Variants in PIK3C2G observed in about 807,000 individuals in gnomAD.
The protein encoded by PIK3C2G is phosphatidylinositol 3-kinase C2 domain-containing subunit gamma.
PIK3C2G carries 168 observed loss-of-function variants against 181.1 expected under a neutral mutation model. The ratio of observed to expected loss-of-function variants is 0.93; its 90% CI spans 0.82 to 1.05. The LOEUF is 1.05. Among genes scored for constraint, PIK3C2G ranks in the 50% least tolerant of loss-of-function variants. PIK3C2G has a pLI of 0.00. For missense variants in PIK3C2G, 1,869 were observed against 1,732.8 expected (o/e 1.08, Z -1.40); for synonymous variants, 573 against 592.2 (o/e 0.97, Z 0.47).
the PIK3C2G span, among the ~76,000 whole-genome samples, chr12:18,662,025 A>G: frequency 6.6e-6 from 1 of 152,272 alleles, no homozygotes; most frequent in East Asian, 1.9e-4. Flanking sequence ...TAACGCAGGA[A>G]CAGAAAACCA....
chr12:18,704,332 T>G, the PIK3C2G span, among the ~76,000 whole-genome samples: 1 of 152,018 alleles, frequency 6.6e-6, no homozygotes, highest in African/African-American at 2.4e-5. Context: ...AATTCCTTTC[T>G]TTTTTTCAAT....
At chr12:18,468,290 T>G (rs902561500) in intron 18 of PIK3C2G, among the ~76,000 whole-genome samples, 3 of 152,066 alleles carry the variant, frequency 2.0e-5, no homozygotes, top group Admixed American at 1.3e-4. Context: ...TCTCCTTGGT[T>G]AAAGAATCCA....
intron 29 of PIK3C2G, among the ~76,000 whole-genome samples, chr12:18,584,143 C>G (rs1003514564): frequency 2.6e-5 from 4 of 151,544 alleles, no homozygotes; most frequent in African/African-American, 7.3e-5. Flanking sequence ...TTCTCCTGCC[C>G]CAGCCTCCTG....
chr12:18,720,886 T>C, the PIK3C2G span, among the ~76,000 whole-genome samples: 1 of 152,078 alleles, frequency 6.6e-6, no homozygotes, highest in Admixed American at 6.6e-5. Context: ...CATAAAAATA[T>C]AGTGATGTAA....
chr12:18,420,780 A>C (rs1375202788), intron 16 of PIK3C2G, among the ~76,000 whole-genome samples, 161 bp from the exon 17 acceptor site: 1 of 152,126 alleles, frequency 6.6e-6, no homozygotes, highest in Non-Finnish European at 1.5e-5. Context: ...AGAATATGAA[A>C]AAATAAGAAT....
intron 6 of PIK3C2G, among the ~76,000 whole-genome samples, chr12:18,317,539 G>A (rs1161769979): frequency 2.0e-5 from 3 of 152,114 alleles, no homozygotes. Context: ...TTGAGAGACA[G>A]ACAATAAACA....
intron 16 of PIK3C2G, among the ~76,000 whole-genome samples, chr12:18,414,224 G>A (rs115001590): frequency 0.02 from 2,976 of 152,140 alleles, 90 homozygotes; most frequent in African/African-American, 0.065. Flanking sequence ...TCATGAGTTC[G>A]TAATTATTCA....
At chr12:18,573,981 G>T (rs915639860) in intron 29 of PIK3C2G, among the ~76,000 whole-genome samples, 2 of 152,202 alleles carry the variant, frequency 1.3e-5, no homozygotes, top group Non-Finnish European at 1.5e-5. Flanking sequence ...ATCAAAAAAG[G>T]CTTTTAAGAT....
chr12:18,327,527 T>C (rs1420058362), intron 8 of PIK3C2G, among the ~76,000 whole-genome samples: 1 of 152,074 alleles, frequency 6.6e-6, no homozygotes, highest in East Asian at 1.9e-4. Context: ...ATATTTTAGA[T>C]GATAACAATT....
At chr12:18,715,664 T>G in the PIK3C2G span, 1 of 152,144 alleles carries the variant, frequency 6.6e-6, no homozygotes, top group Admixed American at 6.6e-5. Context: ...TTTGTTTTTG[T>G]TTTTTTGTTG....
chr12:18,313,680 C>A (rs1008169351), intron 5 of PIK3C2G, among the ~76,000 whole-genome samples: 1 of 151,970 alleles, frequency 6.6e-6, no homozygotes, highest in African/African-American at 2.4e-5. Context: ...GGTGTCTAAT[C>A]ATTTAATCAT....
intron 24 of PIK3C2G, among the ~76,000 whole-genome samples, chr12:18,534,816 A>G (rs79706303): frequency 2.6e-5 from 3 of 113,808 alleles, no homozygotes; most frequent in African/African-American, 1.5e-4. Context: ...GAGAGAGATG[A>G]AAAAAAAAAA....
At chr12:18,258,290 T>C (rs568522302), upstream of PIK3C2G, among the ~76,000 whole-genome samples, 18 of 151,034 alleles carry the variant, frequency 1.2e-4, no homozygotes, top group South Asian at 4.2e-4. Flanking sequence ...TTTTTTTTTG[T>C]AGTGAAAACA....
chr12:18,632,422 G>C (rs1949388327), intron 31 of PIK3C2G, among the ~76,000 whole-genome samples: 1 of 152,242 alleles, frequency 6.6e-6, no homozygotes, highest in South Asian at 2.1e-4. Context: ...GATACCTGCT[G>C]TATTAGGGTT....
chr12:18,308,821 T>A (rs1950525273), intron 5 of PIK3C2G, among the ~76,000 whole-genome samples: 1 of 151,654 alleles, frequency 6.6e-6, no homozygotes, highest in Non-Finnish European at 1.5e-5. Flanking sequence ...TAAATACACA[T>A]AAAATATTTT....
intron 30 of PIK3C2G, among the ~76,000 whole-genome samples, chr12:18,595,579 G>A (rs987324381): frequency 2.6e-5 from 4 of 152,058 alleles, no homozygotes; most frequent in Non-Finnish European, 5.9e-5. Context: ...GAACAATTGA[G>A]GAATTTAAGG....
intron 24 of PIK3C2G, among the ~76,000 whole-genome samples, chr12:18,528,690 T>A (rs1943378680): frequency 6.6e-6 from 1 of 152,208 alleles, no homozygotes; most frequent in African/African-American, 2.4e-5. Context: ...GAGTTCTATC[T>A]TTTCATTCCA....
the PIK3C2G span, among the ~76,000 whole-genome samples, chr12:18,659,663 C>CTT: frequency 0.045 from 6,085 of 133,772 alleles, 237 homozygotes; most frequent in African/African-American, 0.088. Context: ...GTTCTCCATT[C>CTT]TTTTTTTTTT....
At chr12:18,309,097 G>A (rs982594170) in intron 5 of PIK3C2G, among the ~76,000 whole-genome samples, 11 of 150,360 alleles carry the variant, frequency 7.3e-5, no homozygotes, top group African/African-American at 2.7e-4. Context: ...AAATCAACAA[G>A]TAATAGTCTT....
Sources: gnomAD v4.1 joint callset for allele counts (sites outside exome capture counted in the v4.1 genomes callset) on GRCh38, gnomAD v4.1.1 for gene constraint, MANE v1.5 for transcripts, NCBI Gene and HGNC (gene_info 2026-07-23, HGNC 2026-07-21) for gene names.